RAD23B: variants seen among roughly 807,000 people sequenced by gnomAD.
RAD23B encodes the protein RAD23 nucleotide excision repair protein B, also known as lysine-specific demethylase RAD23B.
RAD23B carries 5 observed loss-of-function variants against 49.1 expected under a neutral mutation model. The observed-to-expected ratio is 0.10, with a 90% confidence interval of 0.05 to 0.21. The LOEUF (loss-of-function observed/expected upper bound fraction) is 0.21. RAD23B is among the 10% of genes least tolerant of loss of function. The pLI is 1.00. For synonymous variants in RAD23B, 184 were observed against 165.4 expected (o/e 1.11, Z -0.86); for missense variants, 356 against 486.7 (o/e 0.73, Z 2.53).
rs529667382 is a variant in RAD23B at position 107,291,840 on chromosome 9, T to G, written c.66+8145T>G. 3.3e-4 allele frequency among the ~76,000 whole-genome samples: 50 copies of G among 152,384 alleles called. 1 individual carries two copies. The South Asian group carries it at 0.01, about 32-fold the overall frequency. ...TTTGCTAATTGTTGATTGCCAAAAT[T>G]TAATTGCTGCTATTATTTTTTAATT... On this transcript the variant is annotated intron_variant, in intron 1 of 9. Coordinates refer to ENST00000358015, the MANE Select transcript of RAD23B (RefSeq NM_002874.5).
intron 9 of RAD23B, among the ~76,000 whole-genome samples, chr9:107,326,305 C>T (rs887395526): frequency 2.0e-5 from 3 of 150,812 alleles, no homozygotes; most frequent in Non-Finnish European, 4.4e-5. Flanking sequence ...CGGTGAAACC[C>T]CGTCTCTACT....
intron 4 of RAD23B, among the ~76,000 whole-genome samples, chr9:107,310,107 A>G (rs66539130): frequency 0.12 from 17,890 of 152,158 alleles, 1,099 homozygotes; most frequent in South Asian, 0.15. Flanking sequence ...ACCCAGATAG[A>G]TACAGGAACT....
At chr9:107,297,778 G>T (rs1202273006) in intron 1 of RAD23B, among the ~76,000 whole-genome samples, 1 of 141,688 alleles carries the variant, frequency 7.1e-6, no homozygotes, top group Admixed American at 7.3e-5. Context: ...CCTCATTTTT[G>T]ATATAAAGCT....
chr9:107,298,280 C>A (rs542846530), intron 1 of RAD23B, among the ~76,000 whole-genome samples: 1 of 151,916 alleles, frequency 6.6e-6, no homozygotes, highest in Non-Finnish European at 1.5e-5. Context: ...TTGAGGGCTC[C>A]AAAATAACTT....
chr9:107,332,022 CTG>C lies in RAD23B; in HGVS notation c.*2369_*2370del, dbSNP rs1278989489. On this transcript the variant is annotated 3_prime_UTR_variant, in exon 10 of 10. Transcript: ENST00000358015. ...GAAATCTTTTTCTCGTTTAGTTGCT[CTG>C]TGGGAAATGTGAGGAAGCCTAAGTT... 3 of 366,044 alleles carry C rather than the reference CTG, an allele frequency of 8.2e-6. No individual in the cohort carries two copies. Among genetic ancestry groups the C allele is most frequent in the African/African-American group, 6.2e-5 (3 of 48,024 alleles). The allele number at this position is 366,044 out of a possible 1,614,324, so 22.7% of individuals were successfully genotyped here.
At chr9:107,284,965 A>T in intron 1 of RAD23B, 1 of 1,300,940 alleles carries the variant, frequency 7.7e-7, no homozygotes, top group South Asian at 1.2e-5. Context: ...TAAACAATGG[A>T]TTCCTTTGAG....
At chr9:107,295,527 GAA>G (rs1315350212) in intron 1 of RAD23B, among the ~76,000 whole-genome samples, 1 of 152,186 alleles carries the variant, frequency 6.6e-6, no homozygotes, top group South Asian at 2.1e-4. Flanking sequence ...AGACAAAGAT[GAA>G]AATAAGTTCC....
At chr9:107,286,899 C>T (rs558391902) in intron 1 of RAD23B, among the ~76,000 whole-genome samples, 2 of 151,848 alleles carry the variant, frequency 1.3e-5, no homozygotes, top group African/African-American at 4.8e-5. Flanking sequence ...GGTGAAACCC[C>T]GTCTCTACTA....
intron 1 of RAD23B, among the ~76,000 whole-genome samples, chr9:107,289,909 G>A (rs1359698773): frequency 1.3e-5 from 2 of 152,176 alleles, no homozygotes; most frequent in African/African-American, 4.8e-5. Context: ...AGTGGCCAGA[G>A]ATGCACCTTG....
chr9:107,308,964 A>G (rs780715257), intron 4 of RAD23B, among the ~76,000 whole-genome samples: 6 of 152,186 alleles, frequency 3.9e-5, no homozygotes, highest in Non-Finnish European at 8.8e-5. Context: ...CTTTAGGTCA[A>G]TTTTGTTCTT....
intron 9 of RAD23B, among the ~76,000 whole-genome samples, chr9:107,326,353 C>T (rs191373652): frequency 6.9e-5 from 10 of 145,398 alleles, no homozygotes; most frequent in African/African-American, 2.0e-4. Context: ...TGATGGTGGG[C>T]GCCTGTAGTC....
At chr9:107,325,823 T>C (rs1023355440) in intron 9 of RAD23B, among the ~76,000 whole-genome samples, 4 of 152,218 alleles carry the variant, frequency 2.6e-5, no homozygotes, top group Non-Finnish European at 5.9e-5. Flanking sequence ...TTCTTGATCT[T>C]AAGGGAAAGC....
intron 1 of RAD23B, among the ~76,000 whole-genome samples, chr9:107,295,268 G>A (rs1826484689): frequency 6.6e-6 from 1 of 152,062 alleles, no homozygotes; most frequent in Admixed American, 6.5e-5. Context: ...AGGAGGAGAC[G>A]TGATTGTTAA....
chr9:107,294,667 T>C (rs958019438), intron 1 of RAD23B, among the ~76,000 whole-genome samples: 1 of 152,240 alleles, frequency 6.6e-6, no homozygotes, highest in Non-Finnish European at 1.5e-5. Context: ...ACACAGTTCT[T>C]CTACAGATAC....
intron 5 of RAD23B, among the ~76,000 whole-genome samples, chr9:107,317,208 G>A (rs1207695432): frequency 3.9e-5 from 6 of 152,198 alleles, no homozygotes; most frequent in Admixed American, 2.6e-4. Context: ...TCTAGAGACT[G>A]TTGTGGGCTT....
chr9:107,284,632 A>G, intron 1 of RAD23B: 1 of 814,392 alleles, frequency 1.2e-6, no homozygotes, highest in African/African-American at 1.8e-5. Context: ...TATGCCAAGA[A>G]TCTAAAAACG....
chr9:107,331,833 T>C lies in RAD23B; in HGVS notation c.*2177T>C. ...GTTTTGATCGTTCCATACAGTACCT[T>C]GTTTATCTGCTTCTTAAAGAATCAG... is the stretch of plus-strand genomic sequence containing the variant. On this transcript the variant is annotated 3_prime_UTR_variant, in exon 10 of 10. Coordinates refer to ENST00000358015, the MANE Select transcript of RAD23B (RefSeq NM_002874.5). 1 of 635,530 alleles carries C rather than the reference T, an allele frequency of 1.6e-6. No homozygotes were observed. Among genetic ancestry groups the C allele is most frequent in the Non-Finnish European group, 2.9e-6 (1 of 348,078 alleles). 39.4% of individuals were successfully genotyped at this position (635,530 alleles called of 1,614,324 possible). A position where few individuals can be genotyped will look rare whatever the true frequency, so the allele number is the denominator to read the frequency against.
chr9:107,297,341 G>C (rs1826548663), intron 1 of RAD23B, among the ~76,000 whole-genome samples: 1 of 151,686 alleles, frequency 6.6e-6, no homozygotes, highest in Admixed American at 6.6e-5. Flanking sequence ...TTCTGTGTTT[G>C]TTTTGTTTTG....
At chr9:107,294,866 G>A (rs1184906401) in intron 1 of RAD23B, among the ~76,000 whole-genome samples, 1 of 152,168 alleles carries the variant, frequency 6.6e-6, no homozygotes, top group African/African-American at 2.4e-5. Context: ...GCTGGCCAGG[G>A]AGGAGGATTT....
Sources: gnomAD v4.1 joint callset for allele counts (sites outside exome capture counted in the v4.1 genomes callset) on GRCh38, gnomAD v4.1.1 for gene constraint, MANE v1.5 for transcripts, NCBI Gene and HGNC (gene_info 2026-07-23, HGNC 2026-07-21) for gene names.